The following SKAP1 variants were observed in gnomAD, a reference collection of about 807,000 sequenced individuals.
SKAP1 encodes src kinase associated phosphoprotein 1, also known as src kinase-associated phosphoprotein 1.
In SKAP1, 44 loss-of-function variants were observed where a neutral mutation model predicts 58.5. The observed-to-expected ratio is 0.75, with a 90% confidence interval of 0.59 to 0.97. The LOEUF (loss-of-function observed/expected upper bound fraction) is 0.97, where lower values mean the gene tolerates loss of function less well. Ranked by LOEUF, SKAP1 falls within the 50% of genes least tolerant of loss-of-function variation. SKAP1 has a pLI of 0.00. For synonymous variants in SKAP1, 127 were observed against 149.7 expected (o/e 0.85, Z 1.11); for missense variants, 390 against 435.2 (o/e 0.90, Z 0.92).
chr17:48,247,636 T>C (rs1307594620), intron 4 of SKAP1, among the ~76,000 whole-genome samples: 1 of 152,198 alleles, frequency 6.6e-6, no homozygotes, highest in Admixed American at 6.5e-5. Flanking sequence ...ATAGTAACAA[T>C]ACATACACCA....
At chr17:48,271,631 GGATT>G (rs1191142441) in intron 4 of SKAP1, among the ~76,000 whole-genome samples, 1 of 151,920 alleles carries the variant, frequency 6.6e-6, no homozygotes, top group East Asian at 1.9e-4. Context: ...CAAAGTGCTG[GGATT>G]ACAGACATGA....
intron 4 of SKAP1, among the ~76,000 whole-genome samples, chr17:48,269,539 A>G (rs1402089951): frequency 2.0e-5 from 3 of 152,228 alleles, no homozygotes; most frequent in African/African-American, 7.2e-5. Flanking sequence ...TGTAACCCAC[A>G]TCGCCCAAAT....
chr17:48,214,987 T>C (rs2064921212), intron 4 of SKAP1, among the ~76,000 whole-genome samples: 1 of 85,244 alleles, frequency 1.2e-5, no homozygotes, highest in South Asian at 5.9e-4. Context: ...CATTCCACTA[T>C]GTTGGTCAGG....
chr17:48,221,621 G>C (rs1203202319), intron 4 of SKAP1, among the ~76,000 whole-genome samples: 1 of 152,166 alleles, frequency 6.6e-6, no homozygotes, highest in Non-Finnish European at 1.5e-5. Flanking sequence ...TTATAAGGAG[G>C]TTACTAACCA....
chr17:48,201,096 G>C (rs1349917477), intron 4 of SKAP1, among the ~76,000 whole-genome samples: 1 of 152,152 alleles, frequency 6.6e-6, no homozygotes, highest in Non-Finnish European at 1.5e-5. Flanking sequence ...AAGAGGCAAG[G>C]AAAGGAGGAT....
At chr17:48,204,983 T>TTC (rs1255524546) in intron 4 of SKAP1, among the ~76,000 whole-genome samples, 6 of 46,450 alleles carry the variant, frequency 1.3e-4, no homozygotes, top group African/African-American at 6.9e-4. Flanking sequence ...TTTTCTTTCT[T>TTC]TCTTTCTTTC....
intron 2 of SKAP1, 125 bp from the exon 3 acceptor site, chr17:48,363,939 A>G: frequency 1.7e-6 from 1 of 572,648 alleles, no homozygotes; most frequent in Non-Finnish European, 2.9e-6. Flanking sequence ...AGCCAAAGTC[A>G]CTACTAATTT....
In SKAP1 at chr17:48,184,193, C is replaced by T. The variant is rs187611728; in HGVS notation, c.567+530G>A. ...TCTTGCCCCGACCAGGTCCTCTAGT[C>T]CTTCAATTATTATTGTTACTATCGT... On this transcript the variant is annotated intron_variant, in intron 7 of 12. Coordinates refer to ENST00000336915, the MANE Select transcript of SKAP1 (RefSeq NM_003726.4). Among the ~76,000 whole-genome samples the T allele has an allele frequency of 2.2e-4, 34 of 152,280 alleles. No homozygotes were observed. In the East Asian group the frequency reaches 6.5e-3, roughly 29 times the overall value.
At chr17:48,435,693 A>G in the SKAP1 span, among the ~76,000 whole-genome samples, 1 of 152,274 alleles carries the variant, frequency 6.6e-6, no homozygotes, top group Admixed American at 6.5e-5. Flanking sequence ...CCCCTTCCTT[A>G]CTTTTTATCC....
intron 4 of SKAP1, among the ~76,000 whole-genome samples, chr17:48,254,897 A>G (rs2065406009): frequency 6.6e-6 from 1 of 152,034 alleles, no homozygotes; most frequent in Admixed American, 6.6e-5. Context: ...CTATGATATG[A>G]TCCCAAGAGC....
At chr17:48,258,251 T>G (rs2065448465) in intron 4 of SKAP1, among the ~76,000 whole-genome samples, 1 of 152,182 alleles carries the variant, frequency 6.6e-6, no homozygotes, top group Admixed American at 6.6e-5. Context: ...GTCCAAAATG[T>G]TCTTCTATTG....
intron 12 of SKAP1, among the ~76,000 whole-genome samples, chr17:48,134,187 C>T (rs2063671552): frequency 6.6e-6 from 1 of 152,166 alleles, no homozygotes; most frequent in Non-Finnish European, 1.5e-5. Flanking sequence ...CTCTGTTAAA[C>T]ATTTAGGTCA....
intron 4 of SKAP1, among the ~76,000 whole-genome samples, chr17:48,213,267 G>A (rs759540056): frequency 2.7e-5 from 4 of 149,778 alleles, no homozygotes; most frequent in Admixed American, 1.4e-4. Context: ...GCTTGAACCC[G>A]TGCTTGAACA....
chr17:48,206,093 A>G (rs2064806509), intron 4 of SKAP1, among the ~76,000 whole-genome samples: 1 of 152,212 alleles, frequency 6.6e-6, no homozygotes, highest in Non-Finnish European at 1.5e-5. Context: ...TAGAAGCACA[A>G]ATGGAACTGA....
chr17:48,321,087 G>A (rs951788594), intron 4 of SKAP1, among the ~76,000 whole-genome samples: 2 of 152,108 alleles, frequency 1.3e-5, no homozygotes, highest in Non-Finnish European at 2.9e-5. Flanking sequence ...GTCTCCAACA[G>A]AATGGAGAGA....
At chr17:48,377,577 C>CA (rs766249720) in intron 2 of SKAP1, among the ~76,000 whole-genome samples, 2,210 of 116,020 alleles carry the variant, frequency 0.019, 37 homozygotes, top group African/African-American at 0.033. Flanking sequence ...GACCCTGTCT[C>CA]AAAAAAAAAA....
At chr17:48,328,657 T>G (rs148431518) in intron 4 of SKAP1, among the ~76,000 whole-genome samples, 2 of 152,208 alleles carry the variant, frequency 1.3e-5, no homozygotes, top group African/African-American at 4.8e-5. Context: ...ATCCATTAAC[T>G]ATGGATGCTA....
intron 2 of SKAP1, among the ~76,000 whole-genome samples, chr17:48,395,930 A>T (rs1245022504): frequency 6.6e-6 from 1 of 152,108 alleles, no homozygotes; most frequent in Non-Finnish European, 1.5e-5. Context: ...TCCCAACCAT[A>T]ACCCTGCAGA....
intron 2 of SKAP1, chr17:48,382,300 A>C (rs1205928365): frequency 2.0e-5 from 3 of 152,248 alleles, no homozygotes; most frequent in African/African-American, 7.2e-5. Context: ...TACATATGTA[A>C]CAAACCTGCA....
Sources: allele counts gnomAD v4.1 joint callset (sites outside exome capture counted in the v4.1 genomes callset), GRCh38; gene constraint gnomAD v4.1.1; transcripts MANE v1.5; gene names NCBI Gene and HGNC (gene_info 2026-07-23, HGNC 2026-07-21).